Variants in KDM7A observed in about 807,000 individuals in gnomAD.
KDM7A encodes lysine-specific demethylase 7A.
Under a neutral mutation model 114.8 loss-of-function variants are expected in KDM7A, and 28 were observed. The ratio of observed to expected loss-of-function variants is 0.24; its 90% CI spans 0.18 to 0.33. KDM7A has a LOEUF of 0.33. Ranked by LOEUF, KDM7A falls within the 10% of genes least tolerant of loss-of-function variation. The pLI is 1.00. For missense variants in KDM7A, 942 were observed against 1,142.5 expected, an observed-to-expected ratio of 0.82 and a Z score of 2.53; for synonymous variants, 423 against 397.8, an observed-to-expected ratio of 1.06 and a Z score of -0.75.
At chr7:140,113,708 T>G (rs1818468694) in intron 9 of KDM7A, 126 bp from the exon 10 acceptor site, 3 of 468,208 alleles carry the variant, frequency 6.4e-6, no homozygotes, top group Middle Eastern at 5.5e-4. Flanking sequence ...AATAAAAATA[T>G]AAAAAGTGAA....
intron 2 of KDM7A, among the ~76,000 whole-genome samples, chr7:140,137,634 C>T (rs185717967): frequency 1.5e-4 from 23 of 152,204 alleles, no homozygotes; most frequent in Admixed American, 1.4e-3. Flanking sequence ...TGTAACAGTT[C>T]CCCCAATTTG....
At chr7:140,096,858 C>T in intron 16 of KDM7A, 41 bp downstream of exon 16, 1 of 1,598,052 alleles carries the variant, frequency 6.3e-7, no homozygotes, top group Non-Finnish European at 8.6e-7. Context: ...ATAGTATTTA[C>T]CTTACAATAT....
intron 9 of KDM7A, among the ~76,000 whole-genome samples, chr7:140,115,867 AAT>A (rs1818520633): frequency 3.8e-5 from 3 of 78,156 alleles, no homozygotes; most frequent in South Asian, 3.7e-4. Flanking sequence ...AAAAAAAAAA[AAT>A]AAATGTCATA....
Position 140,100,293 on chromosome 7 carries a change from T to A in KDM7A, c.1639-270A>T, listed in dbSNP as rs1467146305. 2.6e-5 allele frequency among the ~76,000 whole-genome samples: 4 copies of A among 152,256 alleles called. No homozygotes were observed. The East Asian group carries it at 7.7e-4, about 29-fold the overall frequency. On this transcript the variant is annotated intron_variant, in intron 12 of 19. Transcript: ENST00000397560. Reference sequence around the variant, plus strand: ...ATGCATAAAGTGAATTCAAAGAAATTTCATTCTTGCAGAAAGCTGAAAAAC... The same window carrying A: ...ATGCATAAAGTGAATTCAAAGAAATATCATTCTTGCAGAAAGCTGAAAAAC...
intron 2 of KDM7A, among the ~76,000 whole-genome samples, chr7:140,134,028 C>T (rs1818831790): frequency 1.3e-5 from 2 of 152,092 alleles, no homozygotes; most frequent in Non-Finnish European, 2.9e-5. Flanking sequence ...TAATCCAAAT[C>T]GTCTTCTCAG....
At chr7:140,105,573 T>C (rs572950579) in intron 11 of KDM7A, among the ~76,000 whole-genome samples, 1 of 152,344 alleles carries the variant, frequency 6.6e-6, no homozygotes, top group South Asian at 2.1e-4. Flanking sequence ...CGGTTCTGTT[T>C]ATATGATGGA....
At chr7:140,092,276 A>G (rs1178929992) in intron 18 of KDM7A, 199 bp from the exon 19 acceptor site, 13 of 582,500 alleles carry the variant, frequency 2.2e-5, no homozygotes, top group Non-Finnish European at 3.9e-5. Flanking sequence ...TTTAAGTTGC[A>G]TCGTTAAGTT....
chr7:140,129,617 C>G lies in KDM7A; in HGVS notation c.435G>C (p.Gln145His). ...GTTTCTCCAGATATCTTTGTGTCAG[C>G]TGGCTGCCATGCATCTTTATAATTA... ...DEIIIKMHGS[Q>H]LTQRYLEKHG... is the part of the protein sequence containing the mutation. Residue 145 changes from glutamine (Q) to histidine (H), a missense_variant, in exon 4 of 20, where the codon CAG (glutamine) becomes CAC (histidine). Coordinates refer to ENST00000397560, the MANE Select transcript of KDM7A (RefSeq NM_030647.2). 1.2e-6 allele frequency: 2 copies of G among 1,610,952 alleles called. No individual in the cohort carries two copies.
At chr7:140,129,742 T>C (rs192840282) in intron 3 of KDM7A, 89 bp from the exon 4 acceptor site, 198 of 749,506 alleles carry the variant, frequency 2.6e-4, no homozygotes, top group Non-Finnish European at 2.3e-4. Context: ...ATTCATATAC[T>C]GGATTATCTA....
chr7:140,144,974 C>CCTCA (rs1794324786), intron 1 of KDM7A, among the ~76,000 whole-genome samples: 1 of 152,136 alleles, frequency 6.6e-6, no homozygotes, highest in Non-Finnish European at 1.5e-5. Context: ...CTTCCTGAGG[C>CCTCA]CTCACCAGGA....
chr7:140,151,233 T>C (rs1222057940), intron 1 of KDM7A, among the ~76,000 whole-genome samples: 1 of 152,252 alleles, frequency 6.6e-6, no homozygotes, highest in African/African-American at 2.4e-5. Flanking sequence ...TCTAGCATCA[T>C]GGCTAGTGCG....
At chr7:140,092,331 C>A (rs1818035732) in intron 18 of KDM7A, among the ~76,000 whole-genome samples, 1 of 152,190 alleles carries the variant, frequency 6.6e-6, no homozygotes, top group Admixed American at 6.5e-5. Context: ...TAAACAGGCA[C>A]CACGCCCTAC....
intron 19 of KDM7A, 117 bp downstream of exon 19, chr7:140,091,687 C>G (rs1392333479): frequency 9.0e-7 from 1 of 1,107,568 alleles, no homozygotes; most frequent in African/African-American, 1.6e-5. Flanking sequence ...CATCACTATG[C>G]TGTCTACTAT....
rs1818113474 is a variant in KDM7A at position 140,096,572 on chromosome 7, T to C, written c.2357A>G (p.Asp786Gly). 12 of 1,614,014 alleles carry C rather than the reference T, an allele frequency of 7.4e-6. No homozygotes were observed. Among genetic ancestry groups the C allele is most frequent in the Non-Finnish European group, 1.0e-5 (12 of 1,179,822 alleles). ...NHEVRQLYRY[D>G]KPVECGYHVK... is the part of the protein sequence containing the mutation. The stretch of plus-strand genomic sequence containing the variant: ...TTTCTTACCACATTCCACTGGTTTA[T>C]CATAGCGATACAACTGCCTAACCTC... Residue 786 changes from aspartate (D) to glycine (G), a missense_variant, in exon 17 of 20, where the codon GAT becomes GGT. By Grantham distance (94) the Asp-to-Gly change is moderately conservative. Transcript: ENST00000397560.
At chr7:140,096,843 TG>T (rs1818122997) in intron 16 of KDM7A, 55 bp downstream of exon 16, 2 of 1,589,042 alleles carry the variant, frequency 1.3e-6, no homozygotes, top group African/African-American at 2.7e-5. Flanking sequence ...CTAAAAAAAG[TG>T]TTCATAGTAT....
At chr7:140,128,150 C>T (rs372080949) in intron 4 of KDM7A, among the ~76,000 whole-genome samples, 1 of 152,146 alleles carries the variant, frequency 6.6e-6, no homozygotes, top group African/African-American at 2.4e-5. Context: ...AAGCAAAAAT[C>T]AGTTCACATT....
At chr7:140,109,951 T>C (rs1483358222) in intron 11 of KDM7A, among the ~76,000 whole-genome samples, 1 of 152,236 alleles carries the variant, frequency 6.6e-6, no homozygotes, top group African/African-American at 2.4e-5. Flanking sequence ...ACATCCTTCC[T>C]GGATAGGATT....
At chr7:140,118,708 G>T (rs1279220913) in intron 9 of KDM7A, among the ~76,000 whole-genome samples, 2 of 151,588 alleles carry the variant, frequency 1.3e-5, no homozygotes, top group African/African-American at 4.9e-5. Context: ...GAACCACTGT[G>T]CCCAGCCTAG....
intron 1 of KDM7A, among the ~76,000 whole-genome samples, chr7:140,147,725 C>T (rs1214697733): frequency 6.6e-6 from 1 of 152,146 alleles, no homozygotes; most frequent in African/African-American, 2.4e-5. Context: ...CCTTTCCTAT[C>T]TTGATTCTGG....
Sources: allele counts gnomAD v4.1 joint callset (sites outside exome capture counted in the v4.1 genomes callset), GRCh38; gene constraint gnomAD v4.1.1; transcripts MANE v1.5; gene names NCBI Gene and HGNC (gene_info 2026-07-23, HGNC 2026-07-21).